The following NINL variants were observed in gnomAD, a reference collection of about 807,000 sequenced individuals.
NINL encodes ninein-like protein.
A neutral mutation model predicts 160.3 loss-of-function variants in NINL; 153 were observed. The observed-to-expected ratio is 0.95, with a 90% CI of 0.84 to 1.09. The LOEUF is 1.09. NINL is among the 50% of genes least tolerant of loss of function. NINL has a pLI of 0.00. For missense variants in NINL, 1,829 were observed against 1,764.0 expected, an observed-to-expected ratio of 1.04 and a Z score of -0.66; for synonymous variants, 800 against 734.8, an observed-to-expected ratio of 1.09 and a Z score of -1.43.
rs1351282453 is a variant in NINL, at chr20:25,467,424, T to C, written c.3388A>G (p.Lys1130Glu). The stretch of plus-strand genomic sequence containing the variant: ...AGCACCTCCATCTCAGAGCAGGCCT[T>C]TTCCTTGTCTTTCTTTAAAACCTCA... ...EIEVLKKDKE[K>E]ACSEMEVLNR... is the part of the protein sequence containing the mutation. Residue 1130 changes from lysine (K) to glutamate (E), a missense_variant, in exon 19 of 24, where the codon AAG becomes GAG. Coordinates refer to ENST00000278886, the MANE Select transcript of NINL (RefSeq NM_025176.6). 5.0e-6 allele frequency: 8 copies of C among 1,614,132 alleles called. No individual in the cohort carries two copies. In the South Asian group the frequency reaches 6.6e-5, roughly 13 times the overall value.
chr20:25,519,239 G>A (rs1378325804), intron 2 of NINL, among the ~76,000 whole-genome samples: 3 of 152,054 alleles, frequency 2.0e-5, no homozygotes. Context: ...TACAAAGCCA[G>A]TGAAATATAT....
chr20:25,551,657 A>G (rs2064808582), intron 1 of NINL, among the ~76,000 whole-genome samples: 1 of 152,202 alleles, frequency 6.6e-6, no homozygotes, highest in African/African-American at 2.4e-5. Flanking sequence ...GCAGGGAGGC[A>G]AACGGTTATT....
At chr20:25,524,489 G>A (rs908897313) in intron 2 of NINL, among the ~76,000 whole-genome samples, 5 of 152,122 alleles carry the variant, frequency 3.3e-5, no homozygotes, top group Non-Finnish European at 5.9e-5. Context: ...GAAAGGGCCC[G>A]GCTCCTGCCA....
chr20:25,576,825 T>C (rs2065121227), intron 1 of NINL, among the ~76,000 whole-genome samples: 1 of 152,192 alleles, frequency 6.6e-6, no homozygotes, highest in South Asian at 2.1e-4. Context: ...CAGTTGGAAA[T>C]AATAAAAATT....
At chr20:25,581,261 T>A (rs2065172067) in intron 1 of NINL, among the ~76,000 whole-genome samples, 1 of 152,174 alleles carries the variant, frequency 6.6e-6, no homozygotes, top group South Asian at 2.1e-4. Flanking sequence ...CTGGCCAACA[T>A]GGCGAAACTC....
chr20:25,553,504 A>G (rs977437463), intron 1 of NINL, among the ~76,000 whole-genome samples: 1 of 152,244 alleles, frequency 6.6e-6, no homozygotes, highest in Non-Finnish European at 1.5e-5. Flanking sequence ...ATTTTAAGAA[A>G]AATAATTATC....
rs1247506968 is a variant in NINL at position 25,496,686 on chromosome 20, C to T, written c.1287G>A (p.Glu429=). 6.2e-7 allele frequency: 1 copy of T among 1,613,996 alleles called. No homozygotes were observed. Among genetic ancestry groups the T allele is most frequent in the Non-Finnish European group, 8.5e-7 (1 of 1,180,024 alleles). The change falls in exon 10 of 24, where the codon GAG becomes GAA. Residue 429 remains glutamate, a synonymous_variant. Coordinates refer to ENST00000278886, the MANE Select transcript of NINL (RefSeq NM_025176.6). ...KEMDDCHSTL[E]QLTEKKIKHL... ...ACTTGATTTTCTTCTCCGTGAGCTGCTCCAGGGTGGAGTGGCAGTCGTCCA... is the reference window on the plus strand; with the variant it reads ...ACTTGATTTTCTTCTCCGTGAGCTGTTCCAGGGTGGAGTGGCAGTCGTCCA...
In NINL at chr20:25,489,259, G is replaced by C. The variant is rs747266059; in HGVS notation, c.1662C>G (p.Tyr554Ter). ...EERFAAVLKEYELKCRDLQDR... is the reference protein window; with the variant it reads ...EERFAAVLKE The stretch of plus-strand genomic sequence containing the variant: ...AGGCACGTACCCGGCACTTGAGCTC[G>C]TATTCCTTCAGGACTGCTGCGAACC... Residue 554 changes from tyrosine to a stop codon, truncating the protein, a stop_gained, in exon 13 of 24, where the codon TAC (tyrosine) becomes TAG (stop). Transcript: ENST00000278886. LOFTEE classifies it high-confidence loss of function. 1 of 1,614,112 alleles carries C rather than the reference G, an allele frequency of 6.2e-7. No homozygotes were observed. Among genetic ancestry groups the C allele is most frequent in the Non-Finnish European group, 8.5e-7 (1 of 1,179,978 alleles).
intron 1 of NINL, among the ~76,000 whole-genome samples, chr20:25,575,947 C>T (rs2065110479): frequency 6.6e-6 from 1 of 152,102 alleles, no homozygotes; most frequent in African/African-American, 2.4e-5. Flanking sequence ...CATTTGAAAT[C>T]GGGTATCAGA....
chr20:25,501,095 C>T, intron 7 of NINL, 85 bp from the exon 8 acceptor site: 5 of 1,494,144 alleles, frequency 3.3e-6, no homozygotes, highest in Non-Finnish European at 4.5e-6. Context: ...CCCTCCCCAG[C>T]CTGTGCTCAG....
intron 1 of NINL, among the ~76,000 whole-genome samples, chr20:25,570,102 C>A (rs1282387146): frequency 6.6e-6 from 1 of 151,980 alleles, no homozygotes; most frequent in Non-Finnish European, 1.5e-5. Flanking sequence ...ATCGTTTTAA[C>A]ACAGGAGGCA....
At chr20:25,468,774 C>T (rs1480231874) in intron 18 of NINL, among the ~76,000 whole-genome samples, 46 of 95,396 alleles carry the variant, frequency 4.8e-4, no homozygotes, top group South Asian at 7.8e-4. Context: ...CACTGGTGGG[C>T]GCCCGCTTGC....
At chr20:25,551,850 A>T (rs950765157) in intron 1 of NINL, among the ~76,000 whole-genome samples, 5 of 152,202 alleles carry the variant, frequency 3.3e-5, no homozygotes, top group African/African-American at 1.2e-4. Context: ...AACAGGATTC[A>T]GTTTGAGGAG....
At chr20:25,571,268 T>C (rs950258463) in intron 1 of NINL, among the ~76,000 whole-genome samples, 1 of 152,172 alleles carries the variant, frequency 6.6e-6, no homozygotes, top group African/African-American at 2.4e-5. Context: ...GTACTGCTCA[T>C]CATTAAGGAA....
chr20:25,575,768 A>C lies in NINL; in HGVS notation c.-12+9687T>G, dbSNP rs75266895. ...CTCAAAAAAAACACAAAACAACAAA[A>C]AAAAAAACTTGTAAGAATAGTACAA... On this transcript the variant is annotated intron_variant, in intron 1 of 23. Coordinates refer to ENST00000278886, the MANE Select transcript of NINL (RefSeq NM_025176.6). Among the ~76,000 whole-genome samples the C allele has an allele frequency of 1.8e-3, 269 of 152,196 alleles. 1 individual carries two copies. Among genetic ancestry groups the C allele is most frequent in the Non-Finnish European group, 3.2e-3 (217 of 67,998 alleles).
intron 7 of NINL, among the ~76,000 whole-genome samples, chr20:25,502,489 G>A (rs529800615): frequency 6.6e-6 from 1 of 152,258 alleles, no homozygotes; most frequent in Admixed American, 6.5e-5. Flanking sequence ...ACAGGTTAAG[G>A]GATACTATCA....
chr20:25,461,381 C>T (rs1230588036), intron 21 of NINL, 141 bp downstream of exon 21: 4 of 575,006 alleles, frequency 7.0e-6, no homozygotes, highest in African/African-American at 5.9e-5. Context: ...GGTCCTGGCC[C>T]GGTAAGCACC....
At chr20:25,562,586 C>CCT (rs2064957169) in intron 1 of NINL, among the ~76,000 whole-genome samples, 1 of 136,184 alleles carries the variant, frequency 7.3e-6, no homozygotes, top group South Asian at 2.5e-4. Flanking sequence ...TAAACAGATG[C>CCT]TTGAAGGCAG....
chr20:25,483,882 GC>G (rs1406329359), intron 13 of NINL, among the ~76,000 whole-genome samples: 1 of 152,242 alleles, frequency 6.6e-6, no homozygotes, highest in Admixed American at 6.5e-5. Context: ...CGTGGCTGGG[GC>G]CTCGGTCCCC....
Sources: allele counts gnomAD v4.1 joint callset (sites outside exome capture counted in the v4.1 genomes callset), GRCh38; gene constraint gnomAD v4.1.1; transcripts MANE v1.5; gene names NCBI Gene and HGNC (gene_info 2026-07-23, HGNC 2026-07-21).